Variants in ZFYVE9 observed in about 807,000 individuals in gnomAD.
ZFYVE9 encodes the protein zinc finger FYVE-type containing 9.
In ZFYVE9, 43 loss-of-function variants were observed where a neutral mutation model predicts 126.7. The ratio of observed to expected loss-of-function variants is 0.34; its 90% CI spans 0.27 to 0.44. ZFYVE9 has a LOEUF of 0.44. Ranked by LOEUF, ZFYVE9 falls within the 20% of genes least tolerant of loss-of-function variation. The pLI is 1.00. For missense variants in ZFYVE9, 1,476 were observed against 1,697.0 expected (o/e 0.87, Z 2.29); for synonymous variants, 521 against 597.4 (o/e 0.87, Z 1.87).
At chr1:52,202,301 A>G (rs1322436669) in intron 1 of ZFYVE9, among the ~76,000 whole-genome samples, 2 of 151,290 alleles carry the variant, frequency 1.3e-5, no homozygotes, top group African/African-American at 4.9e-5. Context: ...TTTTTTTAAG[A>G]CAGTGTCTCA....
chr1:52,203,519 T>C (rs1644945128), intron 1 of ZFYVE9, among the ~76,000 whole-genome samples: 1 of 150,708 alleles, frequency 6.6e-6, no homozygotes, highest in Non-Finnish European at 1.5e-5. Context: ...TTTTTTATTT[T>C]CTATAGTTTG....
At chr1:52,183,396 A>G (rs1644733029) in intron 1 of ZFYVE9, among the ~76,000 whole-genome samples, 1 of 152,256 alleles carries the variant, frequency 6.6e-6, no homozygotes, top group Admixed American at 6.5e-5. Context: ...GTCATAGGAA[A>G]CTAAGAGATT....
At chr1:52,254,348 A>G (rs1434602561) in intron 4 of ZFYVE9, among the ~76,000 whole-genome samples, 1 of 150,688 alleles carries the variant, frequency 6.6e-6, no homozygotes, top group African/African-American at 2.4e-5. Flanking sequence ...TATCTTTAAC[A>G]TGTAATAAAG....
In ZFYVE9 at chr1:52,322,305, G is replaced by A. The variant is rs907632756; in HGVS notation, c.3439-10463G>A. Among the ~76,000 whole-genome samples the A allele has an allele frequency of 3.3e-5, 5 of 151,964 alleles. No individual in the cohort carries two copies. The South Asian group carries it at 1.0e-3, about 32-fold the overall frequency. ...GGTCTCTGACCTAGATTTCTGCAGTGGCCTCCTAACTGGTCTTCCTATTAG... is the reference window on the plus strand; with the variant it reads ...GGTCTCTGACCTAGATTTCTGCAGTAGCCTCCTAACTGGTCTTCCTATTAG... On this transcript the variant is annotated intron_variant, in intron 13 of 18. Coordinates refer to ENST00000287727, the MANE Select transcript of ZFYVE9 (RefSeq NM_004799.4).
At chr1:52,165,221 A>G (rs1221044569) in intron 1 of ZFYVE9, among the ~76,000 whole-genome samples, 1 of 152,160 alleles carries the variant, frequency 6.6e-6, no homozygotes, top group Non-Finnish European at 1.5e-5. Flanking sequence ...AAAAACTCAT[A>G]TCAGACTTAG....
chr1:52,166,501 C>T (rs1644514916), intron 1 of ZFYVE9, among the ~76,000 whole-genome samples: 1 of 152,156 alleles, frequency 6.6e-6, no homozygotes, highest in Non-Finnish European at 1.5e-5. Flanking sequence ...GAGTGTTTAA[C>T]TGACTTAATC....
chr1:52,336,374 T>C (rs911361132), intron 15 of ZFYVE9, among the ~76,000 whole-genome samples: 2 of 138,772 alleles, frequency 1.4e-5, no homozygotes, highest in Non-Finnish European at 1.5e-5. Context: ...TTTTGTTTTT[T>C]TTTTTTTTTT....
intron 1 of ZFYVE9, among the ~76,000 whole-genome samples, chr1:52,203,699 C>T (rs1644947208): frequency 2.1e-5 from 1 of 47,104 alleles, no homozygotes; most frequent in Admixed American, 3.4e-4. Context: ...ACGTATGTTA[C>T]ACCCTTTGTA....
chr1:52,158,238 A>G (rs1644421094), intron 1 of ZFYVE9, among the ~76,000 whole-genome samples: 1 of 152,194 alleles, frequency 6.6e-6, no homozygotes, highest in Non-Finnish European at 1.5e-5. Context: ...ACTGTGGTTT[A>G]TGCCAGTCCT....
intron 10 of ZFYVE9, 97 bp downstream of exon 10, chr1:52,281,913 A>G (rs1645809478): frequency 4.3e-6 from 6 of 1,389,570 alleles, no homozygotes; most frequent in Admixed American, 2.1e-5. Context: ...GGACTTAAGC[A>G]TGGCAGGGGA....
chr1:52,254,881 C>T (rs1425006413), intron 4 of ZFYVE9, among the ~76,000 whole-genome samples: 3 of 151,192 alleles, frequency 2.0e-5, no homozygotes, highest in African/African-American at 7.3e-5. Context: ...TGGAAGGATT[C>T]CTTGAGCTTA....
At chr1:52,309,971 T>C (rs778862197) in intron 13 of ZFYVE9, among the ~76,000 whole-genome samples, 1 of 152,172 alleles carries the variant, frequency 6.6e-6, no homozygotes, top group African/African-American at 2.4e-5. Context: ...CATATATATA[T>C]GTATTTTTTT....
intron 4 of ZFYVE9, chr1:52,253,936 C>T (rs537656418): frequency 4.2e-6 from 4 of 949,970 alleles, no homozygotes; most frequent in Non-Finnish European, 6.9e-6. Context: ...TCACAACCTT[C>T]AAGAAATTCG....
intron 1 of ZFYVE9, among the ~76,000 whole-genome samples, chr1:52,146,492 C>T (rs974276812): frequency 1.3e-5 from 2 of 152,074 alleles, no homozygotes; most frequent in African/African-American, 4.8e-5. Flanking sequence ...TTTCTTATAA[C>T]CTTGGACAAG....
chr1:52,310,535 C>A (rs1646128088), intron 13 of ZFYVE9, among the ~76,000 whole-genome samples: 1 of 152,124 alleles, frequency 6.6e-6, no homozygotes, highest in Non-Finnish European at 1.5e-5. Context: ...AAGACCCCAT[C>A]TCTTAAAAAA....
intron 1 of ZFYVE9, among the ~76,000 whole-genome samples, chr1:52,193,786 T>G (rs1644836934): frequency 6.8e-6 from 1 of 147,054 alleles, no homozygotes; most frequent in African/African-American, 2.5e-5. Context: ...ATGTTTATCT[T>G]CAAACACACA....
chr1:52,238,274 A>G lies in ZFYVE9; in HGVS notation c.857A>G (p.Asn286Ser). ...TGTCCTGCTGTTAAAAAGCAAGAGA[A>G]CTATATACCAGATGAGGACCTCACT... Reference protein sequence around the residue: ...DGCPAVKKQENYIPDEDLTGK... With the variant: ...DGCPAVKKQESYIPDEDLTGK... Residue 286 changes from asparagine to serine, a missense_variant, in exon 4 of 19, where the codon AAC becomes AGC. By Grantham distance (46) the Asn-to-Ser change is conservative. Transcript: ENST00000287727. The G allele has an allele frequency of 1.9e-6, 3 of 1,613,964 alleles. No homozygotes were observed. The highest frequency in any genetic ancestry group is 2.5e-6 in the Non-Finnish European group (3 of 1,179,962).
chr1:52,338,376 G>A (rs1189438615), intron 16 of ZFYVE9, among the ~76,000 whole-genome samples: 20 of 152,060 alleles, frequency 1.3e-4, no homozygotes. Context: ...CCACCTTCTT[G>A]GGCTTCAAAC....
intron 10 of ZFYVE9, among the ~76,000 whole-genome samples, chr1:52,290,971 G>C (rs886578038): frequency 2.0e-5 from 3 of 152,128 alleles, no homozygotes; most frequent in Admixed American, 2.0e-4. Flanking sequence ...CCACAACAGT[G>C]AATGATCAAA....
Sources: allele counts gnomAD v4.1 joint callset (sites outside exome capture counted in the v4.1 genomes callset), GRCh38; gene constraint gnomAD v4.1.1; transcripts MANE v1.5; gene names NCBI Gene and HGNC (gene_info 2026-07-23, HGNC 2026-07-21).